Variants in PRKN observed in about 807,000 individuals in gnomAD.
The protein encoded by PRKN is parkin RBR E3 ubiquitin protein ligase.
A neutral mutation model predicts 59.5 loss-of-function variants in PRKN; 56 were observed. The observed-to-expected ratio is 0.94, with a 90% CI of 0.76 to 1.18. The LOEUF is 1.18. Among genes scored for constraint, PRKN ranks in the 50% most tolerant of loss-of-function variants. PRKN has a pLI of 0.00. For synonymous variants in PRKN, 250 were observed against 222.1 expected, an observed-to-expected ratio of 1.13 and a Z score of -1.12; for missense variants, 657 against 596.4, an observed-to-expected ratio of 1.10 and a Z score of -1.06.
At chr6:162,490,874 C>T (rs2128184882) in intron 1 of PRKN, among the ~76,000 whole-genome samples, 1 of 152,286 alleles carries the variant, frequency 6.6e-6, no homozygotes, top group East Asian at 1.9e-4. Context: ...TGGCTCATGC[C>T]TGTAATCCCA....
intron 2 of PRKN, among the ~76,000 whole-genome samples, chr6:162,354,774 T>A (rs1290695938): frequency 6.6e-6 from 1 of 152,104 alleles, no homozygotes; most frequent in East Asian, 1.9e-4. Flanking sequence ...ATTATTTGTC[T>A]TTACTGTGTC....
intron 6 of PRKN, among the ~76,000 whole-genome samples, chr6:161,855,813 T>C (rs1216290564): frequency 6.6e-6 from 1 of 152,190 alleles, no homozygotes; most frequent in African/African-American, 2.4e-5. Flanking sequence ...TACAGGCCAA[T>C]TTTACATAAG....
At chr6:162,193,941 G>T (rs2023075) in intron 4 of PRKN, among the ~76,000 whole-genome samples, 138,380 of 152,224 alleles carry the variant, frequency 0.91, 62,966 homozygotes, top group East Asian at 0.99. Flanking sequence ...GAAAAGTCCT[G>T]GAAATTCAAT....
intron 5 of PRKN, among the ~76,000 whole-genome samples, chr6:161,977,239 C>T (rs576124384): frequency 4.6e-4 from 70 of 152,264 alleles, no homozygotes; most frequent in African/African-American, 1.7e-3. Flanking sequence ...GGATCAGAGA[C>T]AAAGGACTGC....
At chr6:162,477,197 C>G (rs1792063921) in intron 1 of PRKN, among the ~76,000 whole-genome samples, 1 of 152,154 alleles carries the variant, frequency 6.6e-6, no homozygotes, top group South Asian at 2.1e-4. Flanking sequence ...CACAATCTAT[C>G]TTAAAATTTT....
At chr6:161,899,481 A>C (rs1777801073) in intron 6 of PRKN, among the ~76,000 whole-genome samples, 1 of 152,194 alleles carries the variant, frequency 6.6e-6, no homozygotes. Flanking sequence ...CTCAGATAAA[A>C]GATATCCAGC....
intron 3 of PRKN, among the ~76,000 whole-genome samples, chr6:162,217,313 A>G (rs1442144750): frequency 6.6e-6 from 1 of 152,124 alleles, no homozygotes; most frequent in African/African-American, 2.4e-5. Flanking sequence ...ACACACATCC[A>G]CATGTTCCTT....
chr6:161,420,394 A>C (rs1047782283), intron 9 of PRKN, among the ~76,000 whole-genome samples: 1 of 152,192 alleles, frequency 6.6e-6, no homozygotes, highest in African/African-American at 2.4e-5. Flanking sequence ...CAAGGGCTGG[A>C]GTGGCCTCAG....
chr6:161,434,686 G>A (rs577217854), intron 9 of PRKN, among the ~76,000 whole-genome samples: 1 of 152,252 alleles, frequency 6.6e-6, no homozygotes, highest in East Asian at 1.9e-4. Context: ...GATTTACAAA[G>A]CATCTTTCAC....
At chr6:162,492,748 C>G (rs111903108) in intron 1 of PRKN, among the ~76,000 whole-genome samples, 41 of 152,142 alleles carry the variant, frequency 2.7e-4, no homozygotes, top group African/African-American at 9.6e-4. Flanking sequence ...TCAGGAGATC[C>G]AGACCATACT....
intron 2 of PRKN, among the ~76,000 whole-genome samples, chr6:162,285,793 T>C (rs1781161999): frequency 6.6e-6 from 1 of 152,160 alleles, no homozygotes; most frequent in Non-Finnish European, 1.5e-5. Context: ...TTTTATCTGA[T>C]GGGTATGACT....
intron 6 of PRKN, among the ~76,000 whole-genome samples, chr6:161,829,849 CAAAA>C (rs11457054): frequency 6.9e-5 from 6 of 86,428 alleles, no homozygotes; most frequent in East Asian, 3.5e-4. Context: ...CACTAAATGC[CAAAA>C]AAAAAAAAAA....
At chr6:161,394,974 C>T (rs900616802) in intron 9 of PRKN, among the ~76,000 whole-genome samples, 1 of 151,958 alleles carries the variant, frequency 6.6e-6, no homozygotes, top group Non-Finnish European at 1.5e-5. Context: ...TCTTTAAGAG[C>T]GTTACTGAAA....
At chr6:161,464,828 G>C (rs1790380691) in intron 9 of PRKN, among the ~76,000 whole-genome samples, 1 of 152,194 alleles carries the variant, frequency 6.6e-6, no homozygotes, top group African/African-American at 2.4e-5. Context: ...TCAAATGTCA[G>C]GTAAAACCAT....
rs189335896 is a variant in PRKN, at chr6:162,542,825, G to A, written c.8-99352C>T. ...ACCCGGGGCACAGAGCACAGCACTC[G>A]CGCAAACCCCCAACAGAGGGTAGAG... On this transcript the variant is annotated intron_variant, in intron 1 of 11. Coordinates refer to ENST00000366898, the MANE Select transcript of PRKN (RefSeq NM_004562.3). 1.5e-3 allele frequency among the ~76,000 whole-genome samples: 228 copies of A among 152,158 alleles called. 2 individuals are homozygous for A. The highest frequency in any genetic ancestry group is 2.7e-3 in the East Asian group (14 of 5,172).
chr6:161,915,996 T>C (rs188652854), intron 6 of PRKN, among the ~76,000 whole-genome samples: 146 of 152,150 alleles, frequency 9.6e-4, no homozygotes, highest in Non-Finnish European at 1.9e-3. Flanking sequence ...TTCTCGACTA[T>C]ATCAAATGAT....
chr6:162,719,307 C>T (rs1002631467), intron 1 of PRKN, among the ~76,000 whole-genome samples: 2 of 152,138 alleles, frequency 1.3e-5, no homozygotes, highest in Non-Finnish European at 2.9e-5. Context: ...AGAAGCAGCA[C>T]CTCAGAGAAC....
intron 4 of PRKN, among the ~76,000 whole-genome samples, chr6:162,105,388 C>T (rs1363410790): frequency 2.0e-5 from 3 of 152,112 alleles, no homozygotes; most frequent in African/African-American, 4.8e-5. Flanking sequence ...ACAACAAATT[C>T]TACAAATATA....
chr6:161,589,778 CTTTTTTT>C (rs201984579), intron 7 of PRKN, among the ~76,000 whole-genome samples: 3 of 124,114 alleles, frequency 2.4e-5, no homozygotes, highest in South Asian at 2.6e-4. Flanking sequence ...GGATTAAATT[CTTTTTTT>C]TTTTTTTTTT....
Sources: gnomAD v4.1 joint callset for allele counts (sites outside exome capture counted in the v4.1 genomes callset) on GRCh38, gnomAD v4.1.1 for gene constraint, MANE v1.5 for transcripts, NCBI Gene and HGNC (gene_info 2026-07-23, HGNC 2026-07-21) for gene names.